Variants in LRRIQ1 observed in about 807,000 individuals in gnomAD.
LRRIQ1 encodes the protein leucine rich repeats and IQ motif containing 1.
LRRIQ1 carries 210 observed loss-of-function variants against 211.9 expected under a neutral mutation model. The observed-to-expected ratio is 0.99, with a 90% CI of 0.89 to 1.11. The LOEUF is 1.11. Ranked by LOEUF, LRRIQ1 falls within the 50% of genes most tolerant of loss-of-function variation. LRRIQ1 has a pLI of 0.00. For synonymous variants in LRRIQ1, 699 were observed against 650.1 expected (o/e 1.08, Z -1.14); for missense variants, 2,136 against 1,939.5 (o/e 1.10, Z -1.90).
the LRRIQ1 span, among the ~76,000 whole-genome samples, chr12:85,271,136 T>C: frequency 2.6e-5 from 4 of 152,202 alleles, no homozygotes; most frequent in Admixed American, 6.5e-5. Context: ...GAAATAGTAG[T>C]ACTATAACAT....
Position 85,098,715 on chromosome 12 carries a change from T to C in LRRIQ1, c.3082-152T>C, listed in dbSNP as rs556691489. 146 of 678,872 alleles carry C rather than the reference T, an allele frequency of 2.2e-4. 2 individuals are homozygous for C. In the South Asian group the frequency reaches 4.4e-3, roughly 20 times the overall value. 42.1% of individuals were successfully genotyped at this position (678,872 alleles called of 1,614,324 possible). A position where few individuals can be genotyped will look rare whatever the true frequency, so the allele number is the denominator to read the frequency against. On this transcript the variant is annotated intron_variant, in intron 12 of 26. Transcript: ENST00000393217. ...ATATTATACAGTTAATTAATAGAAA[T>C]TTTATTCATATTTAAAAAGTCTTAT...
At chr12:85,158,605 G>A (rs1890689113) in intron 23 of LRRIQ1, among the ~76,000 whole-genome samples, 1 of 151,938 alleles carries the variant, frequency 6.6e-6, no homozygotes, top group South Asian at 2.1e-4. Flanking sequence ...AAACTGTTAA[G>A]TATAGAGATG....
chr12:85,152,160 T>C (rs1170228150), intron 19 of LRRIQ1, 120 bp from the exon 20 acceptor site: 2 of 733,894 alleles, frequency 2.7e-6, no homozygotes, highest in East Asian at 2.9e-5. Flanking sequence ...GTAGAAAATT[T>C]CCTGTAAATA....
chr12:85,130,477 T>A (rs1436851432), intron 18 of LRRIQ1, among the ~76,000 whole-genome samples: 1 of 152,194 alleles, frequency 6.6e-6, no homozygotes, highest in African/African-American at 2.4e-5. Flanking sequence ...GAAGGTTCAT[T>A]ACCTTATGAA....
chr12:85,162,605 A>C (rs1890943284), intron 24 of LRRIQ1, among the ~76,000 whole-genome samples: 1 of 152,170 alleles, frequency 6.6e-6, no homozygotes, highest in Non-Finnish European at 1.5e-5. Context: ...ATAGTATAAT[A>C]TGTATGTATG....
At chr12:85,040,898 T>A (rs1225874252) in intron 3 of LRRIQ1, among the ~76,000 whole-genome samples, 2 of 151,564 alleles carry the variant, frequency 1.3e-5, no homozygotes, top group South Asian at 4.1e-4. Context: ...ATCAAGAGAA[T>A]TTTTTTGGCA....
downstream of LRRIQ1, among the ~76,000 whole-genome samples, chr12:85,269,251 A>T (rs1215435908): frequency 2.6e-5 from 4 of 151,982 alleles, no homozygotes; most frequent in African/African-American, 9.7e-5. Flanking sequence ...GGGTATTTGT[A>T]TAATCTCTAG....
At chr12:85,221,367 A>C (rs1265190539) in intron 24 of LRRIQ1, among the ~76,000 whole-genome samples, 1 of 152,148 alleles carries the variant, frequency 6.6e-6, no homozygotes, top group Non-Finnish European at 1.5e-5. Context: ...CCATCCTACT[A>C]TGTACCACTT....
intron 17 of LRRIQ1, among the ~76,000 whole-genome samples, chr12:85,127,320 A>T (rs1487866220): frequency 6.6e-6 from 1 of 152,224 alleles, no homozygotes; most frequent in Non-Finnish European, 1.5e-5. Context: ...TGAGTCTGTA[A>T]GAGTGTAATT....
At chr12:85,250,823 T>G (rs1157257139) in intron 1 of LRRIQ1, among the ~76,000 whole-genome samples, 2 of 116,806 alleles carry the variant, frequency 1.7e-5, no homozygotes, top group Non-Finnish European at 3.3e-5. Flanking sequence ...ATATAATATA[T>G]ATTATAGATT....
At chr12:85,083,055 A>G (rs571748123) in intron 11 of LRRIQ1, among the ~76,000 whole-genome samples, 78 of 152,280 alleles carry the variant, frequency 5.1e-4, no homozygotes, top group Non-Finnish European at 9.6e-4. Flanking sequence ...ACTCTACTGA[A>G]TATTGAGATT....
intron 24 of LRRIQ1, among the ~76,000 whole-genome samples, chr12:85,192,680 A>C (rs1224938469): frequency 1.6e-5 from 1 of 63,256 alleles, no homozygotes; most frequent in Non-Finnish European, 2.3e-5. Flanking sequence ...TATATACTAT[A>C]ATTATATATA....
At chr12:85,087,983 C>T (rs2136210212) in intron 11 of LRRIQ1, among the ~76,000 whole-genome samples, 1 of 152,232 alleles carries the variant, frequency 6.6e-6, no homozygotes, top group Non-Finnish European at 1.5e-5. Flanking sequence ...GCTTTTGTTG[C>T]CATTGCTTTC....
At chr12:85,196,223 A>C (rs1477177166) in intron 24 of LRRIQ1, among the ~76,000 whole-genome samples, 1 of 152,134 alleles carries the variant, frequency 6.6e-6, no homozygotes, top group African/African-American at 2.4e-5. Context: ...GGTAGGAAGA[A>C]TCAATATCGT....
At position 85,124,512 on chromosome 12, in the gene LRRIQ1, G is replaced by A; in HGVS notation, c.4000G>A (p.Glu1334Lys). Residue 1334 changes from glutamate (E) to lysine (K), a missense_variant, in exon 17 of 27, where the codon GAA (glutamate) becomes AAA (lysine). Glu to Lys is a moderately conservative substitution (Grantham distance 56). Coordinates refer to ENST00000393217, the MANE Select transcript of LRRIQ1 (RefSeq NM_001079910.2). ...LRNHQNIEPS[E>K]KIMAAVVIQS... ...GAATCACCAAAATATTGAGCCTAGT[G>A]AAAAAATGTAAGATATATAAATAAT... The A allele has an allele frequency of 6.2e-7, 1 of 1,604,928 alleles. No homozygotes were observed. The highest frequency in any genetic ancestry group is 2.2e-5 in the East Asian group (1 of 44,828).
intron 19 of LRRIQ1, among the ~76,000 whole-genome samples, chr12:85,151,661 A>C (rs1027908817): frequency 3.3e-5 from 5 of 151,594 alleles, no homozygotes; most frequent in Non-Finnish European, 7.4e-5. Flanking sequence ...AAATTGGAGA[A>C]ATATGTCTTA....
chr12:85,089,682 G>A (rs1233291984), intron 11 of LRRIQ1, among the ~76,000 whole-genome samples: 8 of 152,306 alleles, frequency 5.3e-5, no homozygotes, highest in Admixed American at 1.3e-4. Context: ...TCCAGACTTC[G>A]CCTGGCTGCT....
chr12:85,072,796 T>C, intron 10 of LRRIQ1, 111 bp from the exon 11 acceptor site: 1 of 629,072 alleles, frequency 1.6e-6, no homozygotes, highest in Non-Finnish European at 2.6e-6. Flanking sequence ...AGTATAGATT[T>C]AGGTTTTATT....
chr12:85,133,731 T>C (rs1050176177), intron 18 of LRRIQ1, among the ~76,000 whole-genome samples: 1 of 152,108 alleles, frequency 6.6e-6, no homozygotes, highest in Non-Finnish European at 1.5e-5. Flanking sequence ...GTGCTGTCTC[T>C]CCACTCAGAA....
Sources: allele counts gnomAD v4.1 joint callset (sites outside exome capture counted in the v4.1 genomes callset), GRCh38; gene constraint gnomAD v4.1.1; transcripts MANE v1.5; gene names NCBI Gene and HGNC (gene_info 2026-07-23, HGNC 2026-07-21).